Variants in JAKMIP3 observed in about 807,000 individuals in gnomAD.
The protein encoded by JAKMIP3 is Janus kinase and microtubule interacting protein 3.
JAKMIP3 carries 58 observed loss-of-function variants against 118.5 expected under a neutral mutation model. The ratio of observed to expected loss-of-function variants is 0.49; its 90% CI spans 0.40 to 0.61. The LOEUF (loss-of-function observed/expected upper bound fraction) is 0.61, where lower values mean the gene tolerates loss of function less well. JAKMIP3 is among the 20% of genes least tolerant of loss of function. JAKMIP3 has a pLI of 0.00. For missense variants in JAKMIP3, 950 were observed against 1,109.0 expected, an observed-to-expected ratio of 0.86 and a Z score of 2.04; for synonymous variants, 486 against 451.2, an observed-to-expected ratio of 1.08 and a Z score of -0.98.
chr10:132,042,213 T>TCCTTCCTC (rs1564848127), intron 1 of JAKMIP3, among the ~76,000 whole-genome samples: 1 of 150,356 alleles, frequency 6.7e-6, no homozygotes, highest in African/African-American at 2.5e-5. Flanking sequence ...CTTCCTTCCT[T>TCCTTCCTC]CCTTCTTTCC....
At chr10:132,052,598 A>C (rs1305347009) in intron 1 of JAKMIP3, among the ~76,000 whole-genome samples, 1 of 152,012 alleles carries the variant, frequency 6.6e-6, no homozygotes, top group Non-Finnish European at 1.5e-5. Context: ...CTTTGTACTT[A>C]ATTCCAGGTA....
chr10:132,139,420 G>GCC (rs1322289440), intron 9 of JAKMIP3, among the ~76,000 whole-genome samples: 1 of 98,632 alleles, frequency 1.0e-5, no homozygotes. Context: ...GTGTGAGTGT[G>GCC]TGTGTGTGTT....
rs1301161735 is a variant in JAKMIP3, at chr10:132,133,480, C to T, written c.802C>T (p.Pro268Ser). 6 of 1,581,412 alleles carry T rather than the reference C, an allele frequency of 3.8e-6. No homozygotes were observed. The Admixed American group carries it at 7.3e-5, about 19-fold the overall frequency. ...RHPGSPRRELPHAAGAGDASD... is the reference protein window; with the variant it reads ...RHPGSPRRELSHAAGAGDASD... ...CCCGGGCAGCCCCAGACGGGAACTT[C>T]CTCATGCAGCTGGTGCAGGAGACGC... is the stretch of plus-strand genomic sequence containing the variant. The change falls in exon 4 of 24, where the codon CCT (proline) becomes TCT (serine). Residue 268 changes from proline (P) to serine (S), a missense_variant. Pro to Ser is a moderately conservative substitution (Grantham distance 74, BLOSUM62 -1). Transcript: ENST00000684848.
intron 3 of JAKMIP3, among the ~76,000 whole-genome samples, chr10:132,130,915 G>A (rs1323500497): frequency 1.3e-5 from 2 of 151,930 alleles, no homozygotes; most frequent in African/African-American, 4.8e-5. Context: ...TCTGCCTATG[G>A]ACAGCCGTCA....
intron 1 of JAKMIP3, among the ~76,000 whole-genome samples, chr10:132,043,499 CA>C (rs1314602916): frequency 2.0e-4 from 30 of 152,350 alleles, no homozygotes; most frequent in African/African-American, 7.2e-4. Context: ...GCAGAGAATC[CA>C]GGGGGAAACG....
chr10:132,166,687 G>A (rs1435617592), intron 21 of JAKMIP3, among the ~76,000 whole-genome samples: 1 of 152,238 alleles, frequency 6.6e-6, no homozygotes, highest in Non-Finnish European at 1.5e-5. Flanking sequence ...GTCCCCGGGA[G>A]GCTGGCCTTG....
intron 9 of JAKMIP3, among the ~76,000 whole-genome samples, chr10:132,139,279 AGT>A (rs1482074235): frequency 8.5e-5 from 10 of 117,532 alleles, no homozygotes; most frequent in East Asian, 2.5e-4. Flanking sequence ...TGTACATGTG[AGT>A]GTATATGCAT....
upstream of JAKMIP3, among the ~76,000 whole-genome samples, chr10:132,063,237 CATAG>C (rs370731745): frequency 2.5e-4 from 38 of 152,312 alleles, no homozygotes; most frequent in African/African-American, 8.9e-4. Flanking sequence ...CCACGTGAGA[CATAG>C]AGACCCACTG....
chr10:132,075,337 T>C (rs2040609103), intron 1 of JAKMIP3, among the ~76,000 whole-genome samples: 1 of 151,028 alleles, frequency 6.6e-6, no homozygotes, highest in Non-Finnish European at 1.5e-5. Flanking sequence ...ACAGTCCTTC[T>C]TGAAGAAATA....
At chr10:132,139,504 ATG>A (rs1010595569) in intron 9 of JAKMIP3, among the ~76,000 whole-genome samples, 4 of 127,560 alleles carry the variant, frequency 3.1e-5, no homozygotes, top group Admixed American at 1.5e-4. Context: ...GTGAGTGTGT[ATG>A]TGTGAGTGTG....
In JAKMIP3 at chr10:132,145,196, C is replaced by T. The variant is rs1194422987; in HGVS notation, c.1686+6C>T. 2 of 1,604,340 alleles carry T rather than the reference C, an allele frequency of 1.2e-6. No homozygotes were observed. Among genetic ancestry groups the T allele is most frequent in the Non-Finnish European group, 1.7e-6 (2 of 1,175,666 alleles). On this transcript the variant is annotated splice_donor_region_variant and intron_variant, in intron 12 of 23. Coordinates refer to ENST00000684848, the MANE Select transcript of JAKMIP3 (RefSeq NM_001323087.2). ...CCCTGGCGGAGCAGGGGCAGGTGAGCCTGCAGCCATCTGCACGGGCGTGGG... is the reference window on the plus strand; with the variant it reads ...CCCTGGCGGAGCAGGGGCAGGTGAGTCTGCAGCCATCTGCACGGGCGTGGG...
intron 23 of JAKMIP3, among the ~76,000 whole-genome samples, chr10:132,169,296 C>T (rs947923182): frequency 1.3e-5 from 2 of 152,106 alleles, no homozygotes; most frequent in African/African-American, 4.8e-5. Context: ...AGCTGGTCCT[C>T]CTCCCACTTG....
Position 132,144,967 on chromosome 10 carries a change from T to C in JAKMIP3, c.1603-140T>C, listed in dbSNP as rs1334343598. The C allele has an allele frequency of 1.7e-5, 11 of 660,360 alleles. No individual in the cohort carries two copies. The Admixed American group carries it at 2.9e-4, about 17-fold the overall frequency. The allele number at this position is 660,360 out of a possible 1,614,324, so 40.9% of individuals were successfully genotyped here. ...ACAGTTCTCCCTCTCTTAGAAAGCA[T>C]CTCTTCCAAAGGAAGGGCGAACAGT... On this transcript the variant is annotated intron_variant, in intron 11 of 23. Coordinates refer to ENST00000684848, the MANE Select transcript of JAKMIP3 (RefSeq NM_001323087.2).
intron 3 of JAKMIP3, among the ~76,000 whole-genome samples, chr10:132,122,034 G>C (rs1029033005): frequency 6.6e-6 from 1 of 152,226 alleles, no homozygotes; most frequent in African/African-American, 2.4e-5. Context: ...CTTTGGGTCT[G>C]TTTTGTTCAC....
intron 1 of JAKMIP3, among the ~76,000 whole-genome samples, chr10:132,042,118 A>G (rs567347031): frequency 6.6e-6 from 1 of 152,008 alleles, no homozygotes; most frequent in African/African-American, 2.4e-5. Context: ...TGCCAGCCTC[A>G]GCTTCCCAAA....
chr10:132,131,358 T>G (rs1589889441), intron 3 of JAKMIP3, among the ~76,000 whole-genome samples: 1 of 143,144 alleles, frequency 7.0e-6, no homozygotes, highest in African/African-American at 2.6e-5. Flanking sequence ...CGAGTGAGGG[T>G]GTGGGAGATG....
Position 132,167,972 on chromosome 10 carries a change from C to G in JAKMIP3, c.*42C>G. The G allele has an allele frequency of 7.8e-7, 1 of 1,289,584 alleles. No homozygotes were observed. The highest frequency in any genetic ancestry group is 1.0e-6 in the Non-Finnish European group (1 of 988,840). 79.9% of individuals were successfully genotyped at this position (1,289,584 alleles called of 1,614,324 possible). On this transcript the variant is annotated 3_prime_UTR_variant, in exon 23 of 24. Transcript: ENST00000684848. ...TTCCAGCCCCACATTGAATCGGACC[C>G]TTTTCCTCCAGTGGGACCAGAAAGC...
At position 132,139,186 on chromosome 10, in the gene JAKMIP3, A is replaced by ATG. The variant is rs530600418; in HGVS notation, c.1344+1016_1344+1017dup. 4.3e-5 allele frequency among the ~76,000 whole-genome samples: 4 copies of ATG among 92,748 alleles called. No homozygotes were observed. In the East Asian group the frequency reaches 1.3e-3, roughly 30 times the overall value. 60.8% of individuals were successfully genotyped at this position (92,748 alleles called of 152,430 possible). ...TGTACATGTGTGTATGTGTCTGTGT[A>ATG]TGTGTGTGTATGAGTGTGTGTGTGT... On this transcript the variant is annotated intron_variant, in intron 9 of 23. Transcript: ENST00000684848.
At chr10:132,042,986 C>T (rs2037807228) in intron 1 of JAKMIP3, among the ~76,000 whole-genome samples, 1 of 151,120 alleles carries the variant, frequency 6.6e-6, no homozygotes, top group Admixed American at 6.6e-5. Flanking sequence ...TCCAGCTACT[C>T]GGGAGATTGA....
Sources: allele counts gnomAD v4.1 joint callset (sites outside exome capture counted in the v4.1 genomes callset), GRCh38; gene constraint gnomAD v4.1.1; transcripts MANE v1.5; gene names NCBI Gene and HGNC (gene_info 2026-07-23, HGNC 2026-07-21).